The following AOPEP variants were observed in gnomAD, a reference collection of about 807,000 sequenced individuals.
AOPEP encodes aminopeptidase O (putative).
A neutral mutation model predicts 98.1 loss-of-function variants in AOPEP; 77 were observed. That is an observed-to-expected ratio of 0.78 (90% CI 0.65 to 0.95). The LOEUF (loss-of-function observed/expected upper bound fraction) is 0.95. Ranked by LOEUF, AOPEP falls within the 40% of genes least tolerant of loss-of-function variation. AOPEP has a pLI of 0.00. For synonymous variants in AOPEP, 346 were observed against 365.3 expected (o/e 0.95, Z 0.60); for missense variants, 1,024 against 1,024.7 (o/e 1.00, Z 0.01).
chr9:95,113,021 T>G, the AOPEP span, among the ~76,000 whole-genome samples: 1 of 152,210 alleles, frequency 6.6e-6, no homozygotes, highest in African/African-American at 2.4e-5. Flanking sequence ...GTGGGCTGTT[T>G]ATGCCACCTG....
chr9:95,145,470 T>C, the AOPEP span: 2 of 152,308 alleles, frequency 1.3e-5, no homozygotes, highest in Non-Finnish European at 2.9e-5. Flanking sequence ...CGATAATCTA[T>C]ATACTTACAG....
chr9:95,034,676 A>G (rs553411348), intron 13 of AOPEP, among the ~76,000 whole-genome samples: 1 of 152,342 alleles, frequency 6.6e-6, no homozygotes, highest in African/African-American at 2.4e-5. Flanking sequence ...TGGAAGATGT[A>G]AATACCCTTG....
Position 94,793,639 on chromosome 9 carries a change from C to A in AOPEP, c.1118+721C>A, listed in dbSNP as rs377189697. Among the ~76,000 whole-genome samples, 4 of 150,092 alleles carry A rather than the reference C, an allele frequency of 2.7e-5. No homozygotes were observed. The South Asian group carries it at 8.5e-4, about 32-fold the overall frequency. ...TTGCAGTGAGCCAAGATTGCGCCAC[C>A]GCACTCCAGCCTGGCGACAGAGCAA... On this transcript the variant is annotated intron_variant, in intron 4 of 16. Coordinates refer to ENST00000375315, the MANE Select transcript of AOPEP (RefSeq NM_001193329.3).
rs147513733 is a variant in AOPEP at position 95,000,545 on chromosome 9, T to C, written c.1978-4613T>C. Among the ~76,000 whole-genome samples, 1,049 of 152,182 alleles carry C rather than the reference T, an allele frequency of 6.9e-3. 14 individuals carry two copies. The highest frequency in any genetic ancestry group is 0.024 in the African/African-American group (1,013 of 41,530). ...CAACATGGTGAAACCCTGTCTCTACTAAAAGTATAAAAATTAGCTGGACGT... is the reference window on the plus strand; with the variant it reads ...CAACATGGTGAAACCCTGTCTCTACCAAAAGTATAAAAATTAGCTGGACGT... On this transcript the variant is annotated intron_variant, in intron 11 of 16. Coordinates refer to ENST00000375315, the MANE Select transcript of AOPEP (RefSeq NM_001193329.3).
At chr9:94,953,000 C>T (rs2058211654) in intron 7 of AOPEP, among the ~76,000 whole-genome samples, 1 of 152,244 alleles carries the variant, frequency 6.6e-6, no homozygotes, top group Admixed American at 6.5e-5. Context: ...CAGAGATTTA[C>T]ATCATTCTTC....
intron 13 of AOPEP, 67 bp downstream of exon 13, chr9:95,005,683 G>A (rs1589237657): frequency 2.4e-6 from 3 of 1,267,868 alleles, no homozygotes; most frequent in South Asian, 2.4e-5. Context: ...GTGAGGACCT[G>A]GTCATGACAA....
intron 1 of AOPEP, among the ~76,000 whole-genome samples, chr9:94,727,774 T>C (rs886445471): frequency 2.0e-5 from 3 of 152,222 alleles, no homozygotes; most frequent in Admixed American, 6.5e-5. Flanking sequence ...TCTTCCAATA[T>C]TTGGGGGACA....
At chr9:95,082,145 T>C (rs2069875894) in intron 15 of AOPEP, among the ~76,000 whole-genome samples, 1 of 152,094 alleles carries the variant, frequency 6.6e-6, no homozygotes, top group Non-Finnish European at 1.5e-5. Flanking sequence ...GGTGAAGGAC[T>C]TCCCGGATGA....
chr9:94,736,615 G>T (rs923842463), intron 1 of AOPEP, among the ~76,000 whole-genome samples: 11 of 152,056 alleles, frequency 7.2e-5, no homozygotes, highest in Non-Finnish European at 1.3e-4. Flanking sequence ...TTTTATCCCA[G>T]CATGACAAAA....
intron 5 of AOPEP, among the ~76,000 whole-genome samples, chr9:94,855,217 A>G (rs904293162): frequency 4.6e-5 from 7 of 151,946 alleles, no homozygotes; most frequent in Non-Finnish European, 7.4e-5. Context: ...AGCTGGGACT[A>G]CAGGCGTGTG....
intron 5 of AOPEP, among the ~76,000 whole-genome samples, chr9:94,908,074 T>G (rs1050995549): frequency 7.2e-5 from 11 of 152,200 alleles, no homozygotes; most frequent in Admixed American, 2.0e-4. Flanking sequence ...GTCAGCTTCC[T>G]TCTCAGGTTG....
intron 5 of AOPEP, among the ~76,000 whole-genome samples, chr9:94,862,982 A>G (rs1368625257): frequency 6.6e-6 from 1 of 152,218 alleles, no homozygotes; most frequent in East Asian, 1.9e-4. Flanking sequence ...AGACACACAT[A>G]AAGTCTACAT....
intron 5 of AOPEP, chr9:94,904,139 T>C (rs948568786): frequency 1.3e-5 from 2 of 152,058 alleles, no homozygotes; most frequent in African/African-American, 4.8e-5. Context: ...CCAACTAAAT[T>C]AATCCCTCCA....
intron 3 of AOPEP, among the ~76,000 whole-genome samples, chr9:94,784,571 A>T (rs1375194958): frequency 1.3e-5 from 2 of 152,150 alleles, no homozygotes; most frequent in African/African-American, 2.4e-5. Flanking sequence ...AACTGTTTTA[A>T]CACTCTTTAG....
intron 5 of AOPEP, among the ~76,000 whole-genome samples, chr9:94,850,292 T>C (rs1321915079): frequency 2.6e-5 from 4 of 152,144 alleles, no homozygotes; most frequent in Non-Finnish European, 5.9e-5. Flanking sequence ...AATGAACTTA[T>C]TGAATGTCTA....
chr9:94,898,401 C>T (rs1031134702), intron 5 of AOPEP, among the ~76,000 whole-genome samples: 1 of 148,694 alleles, frequency 6.7e-6, no homozygotes, highest in Non-Finnish European at 1.5e-5. Flanking sequence ...GGCGGATCAC[C>T]TGAGGTCAGG....
At chr9:94,797,904 G>A (rs1166563944) in intron 4 of AOPEP, among the ~76,000 whole-genome samples, 3 of 151,812 alleles carry the variant, frequency 2.0e-5, no homozygotes, top group East Asian at 1.9e-4. Flanking sequence ...GGGTTTTACC[G>A]TGTTGGCTAG....
chr9:95,038,637 G>C (rs1199989014), intron 13 of AOPEP, among the ~76,000 whole-genome samples: 1 of 152,222 alleles, frequency 6.6e-6, no homozygotes, highest in Non-Finnish European at 1.5e-5. Flanking sequence ...CTGCCTCCAA[G>C]GTGCCCTGCA....
At chr9:94,767,093 T>C (rs1839801410) in intron 2 of AOPEP, among the ~76,000 whole-genome samples, 1 of 152,226 alleles carries the variant, frequency 6.6e-6, no homozygotes, top group Non-Finnish European at 1.5e-5. Context: ...TTGGGAGAGA[T>C]TTCAGGTCTA....
Sources: gnomAD v4.1 joint callset for allele counts (sites outside exome capture counted in the v4.1 genomes callset) on GRCh38, gnomAD v4.1.1 for gene constraint, MANE v1.5 for transcripts, NCBI Gene and HGNC (gene_info 2026-07-23, HGNC 2026-07-21) for gene names.